RBFOX1: variants seen among roughly 807,000 people sequenced by gnomAD.
The protein encoded by RBFOX1 is RNA binding fox-1 homolog 1.
RBFOX1 carries 8 observed loss-of-function variants against 57.7 expected under a neutral mutation model. The ratio of observed to expected loss-of-function variants is 0.14; its 90% CI spans 0.08 to 0.25. The LOEUF (loss-of-function observed/expected upper bound fraction) is 0.25, where lower values mean the gene tolerates loss of function less well. Among genes scored for constraint, RBFOX1 ranks in the 10% least tolerant of loss-of-function variants. RBFOX1 has a pLI of 1.00. For synonymous variants in RBFOX1, 326 were observed against 222.4 expected, an observed-to-expected ratio of 1.47 and a Z score of -4.15; for missense variants, 611 against 548.5, an observed-to-expected ratio of 1.11 and a Z score of -1.14.
At chr16:5,956,751 C>G (rs967670855) in intron 4 of RBFOX1, among the ~76,000 whole-genome samples, 2 of 147,330 alleles carry the variant, frequency 1.4e-5, no homozygotes, top group East Asian at 2.0e-4. Context: ...TCACTGCAGC[C>G]TAGACCTCCT....
At chr16:5,466,366 T>C (rs2068953442) in intron 1 of RBFOX1, among the ~76,000 whole-genome samples, 3 of 152,002 alleles carry the variant, frequency 2.0e-5, no homozygotes, top group Admixed American at 6.5e-5. Flanking sequence ...TTTGATCTCC[T>C]CCATGGGGGC....
At chr16:6,415,063 T>G (rs565906186) in intron 2 of RBFOX1, among the ~76,000 whole-genome samples, 3 of 151,898 alleles carry the variant, frequency 2.0e-5, no homozygotes, top group South Asian at 4.2e-4. Context: ...GCCAACATGA[T>G]GAAACCCCGT....
chr16:5,950,511 A>C (rs1317142332), intron 4 of RBFOX1, among the ~76,000 whole-genome samples: 2 of 151,488 alleles, frequency 1.3e-5, no homozygotes, highest in Non-Finnish European at 2.9e-5. Context: ...CTCTCCCTCC[A>C]CTCCCCATTC....
At chr16:5,697,823 A>G (rs1004449777) in intron 3 of RBFOX1, among the ~76,000 whole-genome samples, 4 of 152,142 alleles carry the variant, frequency 2.6e-5, no homozygotes, top group African/African-American at 4.8e-5. Context: ...CATCCCTGAC[A>G]TTAGTGGGAG....
At chr16:7,502,366 G>C (rs994136164) in intron 4 of RBFOX1, among the ~76,000 whole-genome samples, 1 of 152,214 alleles carries the variant, frequency 6.6e-6, no homozygotes, top group African/African-American at 2.4e-5. Context: ...TTTCATGTAA[G>C]AAAATCGAAT....
At chr16:7,567,061 C>A (rs1461464059) in intron 5 of RBFOX1, among the ~76,000 whole-genome samples, 1 of 151,056 alleles carries the variant, frequency 6.6e-6, no homozygotes, top group South Asian at 2.1e-4. Flanking sequence ...CTGAGCGACC[C>A]ACTCTATAAT....
At chr16:6,431,247 G>T (rs1158418772) in intron 2 of RBFOX1, among the ~76,000 whole-genome samples, 1 of 152,088 alleles carries the variant, frequency 6.6e-6, no homozygotes, top group Admixed American at 6.6e-5. Context: ...TTTGAATAAA[G>T]TTAGGAGGGA....
chr16:5,969,571 C>T (rs1036494137), intron 4 of RBFOX1, among the ~76,000 whole-genome samples: 1 of 151,190 alleles, frequency 6.6e-6, no homozygotes, highest in Non-Finnish European at 1.5e-5. Context: ...ATCCGCCTGC[C>T]TCAACCTCCC....
chr16:7,494,318 G>A (rs1275291728), intron 4 of RBFOX1, among the ~76,000 whole-genome samples: 1 of 152,128 alleles, frequency 6.6e-6, no homozygotes, highest in Admixed American at 6.6e-5. Flanking sequence ...GGCGCCCTTT[G>A]GGGAGACCAT....
Position 6,880,446 on chromosome 16 carries a change from C to G in RBFOX1, c.-15-171611C>G, listed in dbSNP as rs372716078. On this transcript the variant is annotated intron_variant, in intron 3 of 15. Coordinates refer to ENST00000550418, the MANE Select transcript of RBFOX1 (RefSeq NM_018723.4). Reference sequence around the variant, plus strand: ...CAGGTGCAGCCAATCAGGGTTTGCTCTTCCCCTGTGTTGGTCATTGGTCCA... The same window carrying G: ...CAGGTGCAGCCAATCAGGGTTTGCTGTTCCCCTGTGTTGGTCATTGGTCCA... Among the ~76,000 whole-genome samples, 10 of 152,324 alleles carry G rather than the reference C, an allele frequency of 6.6e-5. 2 individuals are homozygous for G. Among genetic ancestry groups the G allele is most frequent in the East Asian group, 1.9e-4 (1 of 5,178 alleles).
At position 5,459,644 on chromosome 16, in the gene RBFOX1, T is replaced by A. The variant is rs994928091; in HGVS notation, c.220-7572T>A. ...TTTTTCAGTTTATTAATAAGAATCG[T>A]CCTTCACCAAAAAAGCAAGTCGGGA... is the stretch of plus-strand genomic sequence containing the variant. On this transcript the variant is annotated intron_variant, in intron 1 of 2. Coordinates refer to the RBFOX1 transcript ENST00000585867. Among the ~76,000 whole-genome samples the A allele has an allele frequency of 5.3e-5, 8 of 152,118 alleles. No individual in the cohort carries two copies. The East Asian group carries it at 1.5e-3, about 29-fold the overall frequency.
chr16:6,287,417 T>C (rs1041786149), intron 1 of RBFOX1, among the ~76,000 whole-genome samples: 5 of 152,126 alleles, frequency 3.3e-5, no homozygotes, highest in African/African-American at 7.2e-5. Flanking sequence ...CAATATGATA[T>C]TTATTAAATT....
At chr16:6,812,875 G>A (rs922522746) in intron 3 of RBFOX1, among the ~76,000 whole-genome samples, 1 of 152,170 alleles carries the variant, frequency 6.6e-6, no homozygotes, top group African/African-American at 2.4e-5. Flanking sequence ...AAGCCCCTGA[G>A]TCCTTTGTCC....
In RBFOX1 at chr16:6,899,910, G is replaced by T. The variant is rs183597112; in HGVS notation, c.-15-152147G>T. 5.3e-5 allele frequency among the ~76,000 whole-genome samples: 8 copies of T among 152,300 alleles called. No homozygotes were observed. In the East Asian group the frequency reaches 5.8e-4, roughly 11 times the overall value. On this transcript the variant is annotated intron_variant, in intron 3 of 15. Transcript: ENST00000550418. ...CAATGAGAGAGATTTTTTTGCCCAT[G>T]TTCTGACCATAACCATTTGAACTAT...
At chr16:5,348,826 C>A (rs900534442) in intron 1 of RBFOX1, among the ~76,000 whole-genome samples, 3 of 152,208 alleles carry the variant, frequency 2.0e-5, no homozygotes, top group African/African-American at 7.2e-5. Context: ...TGTCAGCAGA[C>A]TCTTAGGTTG....
intron 3 of RBFOX1, among the ~76,000 whole-genome samples, chr16:7,004,444 C>T (rs1248552902): frequency 2.0e-5 from 3 of 152,126 alleles, no homozygotes; most frequent in Non-Finnish European, 2.9e-5. Flanking sequence ...CTGGTGGAGT[C>T]ACCATAGCCT....
At chr16:5,701,750 G>C (rs1026966206) in intron 3 of RBFOX1, among the ~76,000 whole-genome samples, 3 of 152,158 alleles carry the variant, frequency 2.0e-5, no homozygotes, top group Non-Finnish European at 2.9e-5. Context: ...GAGGACCTTT[G>C]ATGACCATCT....
rs201538687 is a variant in RBFOX1 at position 6,709,434 on chromosome 16, A to T, written c.-16+54784A>T. Among the ~76,000 whole-genome samples, 32 of 152,338 alleles carry T rather than the reference A, an allele frequency of 2.1e-4. 1 individual carries two copies. In the East Asian group the frequency reaches 5.4e-3, roughly 26 times the overall value. ...TATGGGGTTTAAAAAAATACTGAGA[A>T]CGTTAAGTTTCATGAGTTCTTCATA... On this transcript the variant is annotated intron_variant, in intron 3 of 15. Coordinates refer to ENST00000550418, the MANE Select transcript of RBFOX1 (RefSeq NM_018723.4).
At chr16:7,375,948 G>C (rs2097678334) in intron 4 of RBFOX1, among the ~76,000 whole-genome samples, 1 of 152,176 alleles carries the variant, frequency 6.6e-6, no homozygotes, top group African/African-American at 2.4e-5. Context: ...GGGAAACCTG[G>C]ATTCAAGAAC....
Sources: gnomAD v4.1 joint callset for allele counts (sites outside exome capture counted in the v4.1 genomes callset) on GRCh38, gnomAD v4.1.1 for gene constraint, MANE v1.5 for transcripts, NCBI Gene and HGNC (gene_info 2026-07-23, HGNC 2026-07-21) for gene names.